TAS2R1: variants seen among roughly 807,000 people sequenced by gnomAD.
The protein encoded by TAS2R1 is taste receptor type 2 member 1.
For missense variants in TAS2R1, 370 were observed against 353.4 expected (o/e 1.05, Z -0.38); for synonymous variants, 141 against 134.2 (o/e 1.05, Z -0.35).
intron 1 of TAS2R1, among the ~76,000 whole-genome samples, chr5:9,689,331 C>T (rs908259206): frequency 3.3e-5 from 5 of 152,136 alleles, no homozygotes; most frequent in Admixed American, 2.0e-4. Context: ...GGGTGGTCCC[C>T]GGACCAGCAG....
At chr5:9,872,451 T>C in the TAS2R1 span, among the ~76,000 whole-genome samples, 1 of 152,238 alleles carries the variant, frequency 6.6e-6, no homozygotes, top group South Asian at 2.1e-4. Context: ...AAAAAAGTAA[T>C]TCAAAAATCA....
At chr5:9,735,399 C>T in the TAS2R1 span, among the ~76,000 whole-genome samples, 1 of 151,532 alleles carries the variant, frequency 6.6e-6, no homozygotes, top group Non-Finnish European at 1.5e-5. Flanking sequence ...GAATATATCA[C>T]ATACTGACAA....
the TAS2R1 span, among the ~76,000 whole-genome samples, chr5:9,719,798 G>T: frequency 5.3e-5 from 8 of 151,720 alleles, no homozygotes; most frequent in East Asian, 1.6e-3. Context: ...GGCGCCTGTA[G>T]TACCAGCTAC....
At chr5:9,855,991 C>T in the TAS2R1 span, among the ~76,000 whole-genome samples, 1 of 151,784 alleles carries the variant, frequency 6.6e-6, no homozygotes, top group Non-Finnish European at 1.5e-5. Flanking sequence ...TTACAATCAG[C>T]ATAAAGGAAG....
chr5:9,642,907 C>T (rs982153321), intron 2 of TAS2R1, among the ~76,000 whole-genome samples: 3 of 152,086 alleles, frequency 2.0e-5, no homozygotes, highest in Non-Finnish European at 2.9e-5. Context: ...TGAGTTCCTC[C>T]GTGGAATTTC....
chr5:9,815,626 G>T, the TAS2R1 span, among the ~76,000 whole-genome samples: 16 of 151,830 alleles, frequency 1.1e-4, no homozygotes, highest in African/African-American at 3.6e-4. Flanking sequence ...GGGATCCACA[G>T]CAAATAATAT....
chr5:9,638,639 T>C (rs1740014114), intron 2 of TAS2R1, among the ~76,000 whole-genome samples: 1 of 152,074 alleles, frequency 6.6e-6, no homozygotes, highest in Non-Finnish European at 1.5e-5. Flanking sequence ...ATGGCCAGGG[T>C]AATTATTTTG....
chr5:9,829,610 G>A, the TAS2R1 span, among the ~76,000 whole-genome samples: 7 of 152,122 alleles, frequency 4.6e-5, no homozygotes, highest in Non-Finnish European at 7.3e-5. Flanking sequence ...AGAACAATAA[G>A]CAGCACTAAA....
At chr5:9,806,807 T>C in the TAS2R1 span, among the ~76,000 whole-genome samples, 5 of 151,982 alleles carry the variant, frequency 3.3e-5, no homozygotes, top group African/African-American at 4.8e-5. Flanking sequence ...TTTGAGAAGA[T>C]AACATCAGAA....
the TAS2R1 span, among the ~76,000 whole-genome samples, chr5:9,725,251 C>CAG: frequency 6.6e-6 from 1 of 152,248 alleles, no homozygotes. Context: ...TGTGGGAGCC[C>CAG]CCTTCTGGGC....
the TAS2R1 span, among the ~76,000 whole-genome samples, chr5:9,873,408 C>CTTT: frequency 1.9e-4 from 27 of 143,730 alleles, no homozygotes; most frequent in Non-Finnish European, 2.7e-4. Context: ...AAGACCAGGC[C>CTTT]TTTTTTTTTT....
chr5:9,693,524 CAA>C (rs35262775), intron 1 of TAS2R1, among the ~76,000 whole-genome samples: 155 of 33,014 alleles, frequency 4.7e-3, no homozygotes, highest in African/African-American at 0.015. Context: ...AACTCCATCT[CAA>C]AAAAAAAAAA....
the TAS2R1 span, among the ~76,000 whole-genome samples, chr5:9,826,155 CATT>C: frequency 1.6e-3 from 251 of 152,228 alleles, no homozygotes; most frequent in African/African-American, 5.8e-3. Flanking sequence ...TTTAATCTAT[CATT>C]ATAATGTCCT....
At chr5:9,674,916 CTG>C (rs1053261620) in intron 1 of TAS2R1, among the ~76,000 whole-genome samples, 1 of 151,824 alleles carries the variant, frequency 6.6e-6, no homozygotes. Context: ...AAAAATAAAA[CTG>C]TAGCTGACAT....
chr5:9,802,557 T>TATGGATCCAAACCAAGATC, the TAS2R1 span, among the ~76,000 whole-genome samples: 1 of 152,304 alleles, frequency 6.6e-6, no homozygotes, highest in East Asian at 1.9e-4. Flanking sequence ...TCCAAAGATC[T>TATGGATCCAAACCAAGATC]ATGGATCCAA....
chr5:9,676,767 A>G (rs1740885354), intron 1 of TAS2R1, among the ~76,000 whole-genome samples: 1 of 152,192 alleles, frequency 6.6e-6, no homozygotes, highest in Non-Finnish European at 1.5e-5. Flanking sequence ...AGACTTTATT[A>G]AAATTTAAAA....
chr5:9,799,137 C>T, the TAS2R1 span, among the ~76,000 whole-genome samples: 1 of 152,196 alleles, frequency 6.6e-6, no homozygotes, highest in Non-Finnish European at 1.5e-5. Context: ...CCACTTGTCA[C>T]TAGGTGGGAA....
chr5:9,866,708 C>T, the TAS2R1 span, among the ~76,000 whole-genome samples: 2 of 152,224 alleles, frequency 1.3e-5, no homozygotes, highest in African/African-American at 4.8e-5. Flanking sequence ...CAATTTTTGT[C>T]CCTCTATCCT....
At chr5:9,652,092 C>T (rs1740317733) in intron 2 of TAS2R1, among the ~76,000 whole-genome samples, 1 of 152,192 alleles carries the variant, frequency 6.6e-6, no homozygotes, top group South Asian at 2.1e-4. Context: ...TGTATATTCA[C>T]ATGACTACAT....
Sources: allele counts gnomAD v4.1 joint callset (sites outside exome capture counted in the v4.1 genomes callset), GRCh38; gene constraint gnomAD v4.1.1; transcripts MANE v1.5; gene names NCBI Gene and HGNC (gene_info 2026-07-23, HGNC 2026-07-21).